The following LPP variants were observed in gnomAD, a reference collection of about 807,000 sequenced individuals.
The protein encoded by LPP is LIM domain containing preferred translocation partner in lipoma.
In LPP, 38 loss-of-function variants were observed where a neutral mutation model predicts 60.4. That is an observed-to-expected ratio of 0.63 (90% CI 0.49 to 0.83). LPP has a LOEUF of 0.83. Ranked by LOEUF, LPP falls within the 40% of genes least tolerant of loss-of-function variation. The pLI is 0.00. For missense variants in LPP, 902 were observed against 783.6 expected (o/e 1.15, Z -1.80); for synonymous variants, 328 against 290.8 (o/e 1.13, Z -1.30).
intron 3 of LPP, among the ~76,000 whole-genome samples, chr3:188,399,040 G>A (rs1560351482): frequency 6.6e-6 from 1 of 152,232 alleles, no homozygotes; most frequent in African/African-American, 2.4e-5. Flanking sequence ...TACTTGTAAA[G>A]TCAAGATCTT....
chr3:188,256,730 A>C (rs1016442881), intron 2 of LPP, among the ~76,000 whole-genome samples: 1 of 152,236 alleles, frequency 6.6e-6, no homozygotes, highest in African/African-American at 2.4e-5. Flanking sequence ...AATTCAGACG[A>C]TGATAATGAG....
At chr3:188,606,064 A>C (rs1239006105) in intron 6 of LPP, among the ~76,000 whole-genome samples, 1 of 152,178 alleles carries the variant, frequency 6.6e-6, no homozygotes, top group African/African-American at 2.4e-5. Context: ...CTTGTGCCAC[A>C]TATGTTTCTC....
At chr3:188,730,437 A>G (rs547133173) in intron 8 of LPP, among the ~76,000 whole-genome samples, 1 of 152,316 alleles carries the variant, frequency 6.6e-6, no homozygotes, top group East Asian at 1.9e-4. Context: ...GTAGTTATGA[A>G]TTGAGTGAAT....
chr3:188,258,942 C>G (rs1048961793), intron 2 of LPP, among the ~76,000 whole-genome samples: 1 of 151,982 alleles, frequency 6.6e-6, no homozygotes, highest in African/African-American at 2.4e-5. Flanking sequence ...AATTTAGTGG[C>G]CCCAGAGAAG....
intron 4 of LPP, among the ~76,000 whole-genome samples, chr3:188,414,393 G>A (rs759850319): frequency 2.0e-5 from 3 of 152,076 alleles, no homozygotes; most frequent in Non-Finnish European, 4.4e-5. Flanking sequence ...TAGCTGGTAT[G>A]TGTAAATATT....
At chr3:188,859,458 G>A (rs1229426946) in intron 9 of LPP, among the ~76,000 whole-genome samples, 5 of 152,090 alleles carry the variant, frequency 3.3e-5, no homozygotes, top group African/African-American at 4.8e-5. Flanking sequence ...ATAGCAATTT[G>A]TCATGCCCTT....
intron 7 of LPP, among the ~76,000 whole-genome samples, chr3:188,678,853 A>G (rs966041056): frequency 7.2e-5 from 11 of 152,334 alleles, no homozygotes; most frequent in Admixed American, 2.6e-4. Context: ...GACTCAAATG[A>G]GTAAAGTTAG....
chr3:188,240,966 A>T (rs1724409593), intron 2 of LPP, among the ~76,000 whole-genome samples: 1 of 152,134 alleles, frequency 6.6e-6, no homozygotes, highest in Admixed American at 6.5e-5. Context: ...TGATTCTTTT[A>T]TTTTTAAATG....
chr3:188,331,889 A>T (rs1285265976), intron 2 of LPP, among the ~76,000 whole-genome samples: 2 of 152,212 alleles, frequency 1.3e-5, no homozygotes, highest in Non-Finnish European at 2.9e-5. Context: ...AAATGAATAT[A>T]ATATTAAATT....
chr3:188,243,957 C>A (rs1338037163), intron 2 of LPP, among the ~76,000 whole-genome samples: 1 of 152,126 alleles, frequency 6.6e-6, no homozygotes, highest in Non-Finnish European at 1.5e-5. Context: ...CTCACCACAA[C>A]CTCCACTTCC....
intron 5 of LPP, among the ~76,000 whole-genome samples, chr3:188,507,784 A>G (rs999977551): frequency 6.6e-6 from 1 of 152,216 alleles, no homozygotes; most frequent in South Asian, 2.1e-4. Flanking sequence ...TGAAACCTGA[A>G]CTAAGATAAA....
At chr3:188,370,534 G>A (rs1772733955) in intron 3 of LPP, among the ~76,000 whole-genome samples, 1 of 152,152 alleles carries the variant, frequency 6.6e-6, no homozygotes, top group Admixed American at 6.5e-5. Context: ...CGAGCATCTC[G>A]ATGGTAGGTT....
chr3:188,666,700 G>A (rs1219026308), intron 7 of LPP, among the ~76,000 whole-genome samples: 1 of 152,064 alleles, frequency 6.6e-6, no homozygotes, highest in African/African-American at 2.4e-5. Flanking sequence ...ATGCTTACTC[G>A]GTGCCAATCA....
rs373629243 is a variant in LPP at position 188,789,890 on chromosome 3, C to T, written c.1410+29608C>T. ...ATTATTTTTTCATTCTCAGACCAGC[C>T]GGCATTTATAAGTTCAATGCTTGGT... On this transcript the variant is annotated intron_variant, in intron 9 of 11. Coordinates refer to ENST00000617246, the MANE Select transcript of LPP (RefSeq NM_001375462.1). 2.1e-4 allele frequency among the ~76,000 whole-genome samples: 32 copies of T among 152,152 alleles called. 1 individual carries two copies. Among genetic ancestry groups the T allele is most frequent in the East Asian group, 7.7e-4 (4 of 5,176 alleles).
chr3:188,695,688 G>A (rs1863097681), intron 7 of LPP, among the ~76,000 whole-genome samples: 1 of 152,162 alleles, frequency 6.6e-6, no homozygotes, highest in South Asian at 2.1e-4. Flanking sequence ...GGTATAATTT[G>A]GCATTTGAAC....
chr3:188,461,235 G>T (rs535844037), intron 4 of LPP, among the ~76,000 whole-genome samples: 5 of 152,114 alleles, frequency 3.3e-5, no homozygotes, highest in Non-Finnish European at 5.9e-5. Context: ...AGATGTACAA[G>T]GGTCAGTTTG....
chr3:188,831,813 A>G (rs1757208189), intron 9 of LPP, among the ~76,000 whole-genome samples: 1 of 152,212 alleles, frequency 6.6e-6, no homozygotes, highest in Non-Finnish European at 1.5e-5. Context: ...CTTAACATGT[A>G]TCATAAAGAT....
rs1769154258 is a variant in LPP at position 188,875,550 on chromosome 3, G to C, written c.*1071G>C. The C allele has an allele frequency of 9.5e-6, 2 of 211,428 alleles. No homozygotes were observed. Among genetic ancestry groups the C allele is most frequent in the Non-Finnish European group, 1.9e-5 (2 of 104,142 alleles). 13.1% of individuals were successfully genotyped at this position (211,428 alleles called of 1,614,324 possible). A position where few individuals can be genotyped will look rare whatever the true frequency, so the allele number is the denominator to read the frequency against. On this transcript the variant is annotated 3_prime_UTR_variant, in exon 12 of 12. Transcript: ENST00000617246. ...ATACAAAATAAAACTGTGCAGTTTTGTTTGGTTTACTTTCAAAAGAGTAGA... is the reference window on the plus strand; with the variant it reads ...ATACAAAATAAAACTGTGCAGTTTTCTTTGGTTTACTTTCAAAAGAGTAGA...
intron 7 of LPP, among the ~76,000 whole-genome samples, chr3:188,665,091 G>A (rs911447334): frequency 2.0e-5 from 3 of 152,072 alleles, no homozygotes; most frequent in Non-Finnish European, 4.4e-5. Context: ...TGTGATTAAG[G>A]GTTTTCTGAG....
Sources: gnomAD v4.1 joint callset for allele counts (sites outside exome capture counted in the v4.1 genomes callset) on GRCh38, gnomAD v4.1.1 for gene constraint, MANE v1.5 for transcripts, NCBI Gene and HGNC (gene_info 2026-07-23, HGNC 2026-07-21) for gene names.